GALK2: variants seen among roughly 807,000 people sequenced by gnomAD.
GALK2 encodes N-acetylgalactosamine kinase.
Under a neutral mutation model 52.4 loss-of-function variants are expected in GALK2, and 36 were observed. That is an observed-to-expected ratio of 0.69 (90% CI 0.53 to 0.91). GALK2 has a LOEUF of 0.91. GALK2 is among the 40% of genes least tolerant of loss of function. GALK2 has a pLI of 0.00. For missense variants in GALK2, 579 were observed against 559.1 expected (o/e 1.04, Z -0.36); for synonymous variants, 176 against 199.1 (o/e 0.88, Z 0.98).
chr15:49,315,995 C>T (rs1482912167), intron 8 of GALK2, among the ~76,000 whole-genome samples: 1 of 152,162 alleles, frequency 6.6e-6, no homozygotes, highest in Admixed American at 6.6e-5. Flanking sequence ...CCAAAGTGTA[C>T]TCTCCCTGAT....
chr15:49,187,181 C>A (rs1241512917), intron 1 of GALK2, among the ~76,000 whole-genome samples: 3 of 152,234 alleles, frequency 2.0e-5, no homozygotes, highest in African/African-American at 7.2e-5. Context: ...CACTGTGTCT[C>A]TTGCCTTCTT....
Position 49,328,636 on chromosome 15 carries a change from G to C in GALK2, c.*477G>C, listed in dbSNP as rs773063173. 14 of 1,579,318 alleles carry C rather than the reference G, an allele frequency of 8.9e-6. No homozygotes were observed. Among genetic ancestry groups the C allele is most frequent in the Non-Finnish European group, 1.2e-5 (14 of 1,159,098 alleles). ...GGTGATGATGATGATGATGACGATAGTGATGCCACACATTCTCTCTCAATT... is the reference window on the plus strand; with the variant it reads ...GGTGATGATGATGATGATGACGATACTGATGCCACACATTCTCTCTCAATT... On this transcript the variant is annotated 3_prime_UTR_variant, in exon 10 of 10. Transcript: ENST00000560031.
Position 49,329,995 on chromosome 15 carries a change from T to C in GALK2, c.*1836T>C, listed in dbSNP as rs2038327226. 1 of 154,258 alleles carries C rather than the reference T, an allele frequency of 6.5e-6. No homozygotes were observed. The highest frequency in any genetic ancestry group is 2.4e-5 in the African/African-American group (1 of 41,512). 9.6% of individuals were successfully genotyped at this position (154,258 alleles called of 1,614,324 possible). ...TTTGATTTCTCTCGATAAAAAGAAC[T>C]ATGTTTCAGTCTTACTATCACTGTG... On this transcript the variant is annotated 3_prime_UTR_variant, in exon 10 of 10. Coordinates refer to ENST00000560031, the MANE Select transcript of GALK2 (RefSeq NM_002044.4).
chr15:49,240,913 G>A (rs1050368892), intron 5 of GALK2, among the ~76,000 whole-genome samples: 3 of 152,118 alleles, frequency 2.0e-5, no homozygotes, highest in African/African-American at 4.8e-5. Flanking sequence ...TACAAAGTCT[G>A]CATTTCAGGG....
At chr15:49,208,464 A>G (rs1038821745) in intron 2 of GALK2, among the ~76,000 whole-genome samples, 7 of 152,168 alleles carry the variant, frequency 4.6e-5, no homozygotes, top group Admixed American at 1.3e-4. Flanking sequence ...CATGGTTTTG[A>G]AGGTTCCTTT....
At chr15:49,169,291 T>C (rs1448935626), upstream of GALK2, 1 of 152,152 alleles carries the variant, frequency 6.6e-6, no homozygotes, top group African/African-American at 2.4e-5. Context: ...TGGAATGGGT[T>C]TATTGCTAGC....
chr15:49,163,690 T>C (rs1445027727), intron 1 of GALK2, among the ~76,000 whole-genome samples: 1 of 152,226 alleles, frequency 6.6e-6, no homozygotes, highest in Non-Finnish European at 1.5e-5. Context: ...AATTGTATGC[T>C]ACCTTGTATT....
chr15:49,231,981 CAA>C (rs2090527047), intron 3 of GALK2, among the ~76,000 whole-genome samples: 2 of 152,334 alleles, frequency 1.3e-5, no homozygotes, highest in East Asian at 1.9e-4. Context: ...GTCTCGAAGA[CAA>C]TGGCCCTCTT....
chr15:49,297,011 G>A (rs1402257508), intron 8 of GALK2, among the ~76,000 whole-genome samples: 1 of 152,204 alleles, frequency 6.6e-6, no homozygotes, highest in Non-Finnish European at 1.5e-5. Flanking sequence ...TCTCCAAACT[G>A]TTTTCCACAA....
intron 9 of GALK2, among the ~76,000 whole-genome samples, chr15:49,323,209 T>A (rs2037047884): frequency 6.6e-6 from 1 of 152,108 alleles, no homozygotes; most frequent in East Asian, 1.9e-4. Context: ...AGAGAAGGTG[T>A]TGGACATACT....
chr15:49,252,571 T>C (rs2091657095), intron 5 of GALK2, among the ~76,000 whole-genome samples: 1 of 152,198 alleles, frequency 6.6e-6, no homozygotes, highest in Non-Finnish European at 1.5e-5. Context: ...ATACTTTATT[T>C]AACTAGACCT....
At chr15:49,300,595 G>T (rs142894786) in intron 8 of GALK2, among the ~76,000 whole-genome samples, 2,874 of 152,186 alleles carry the variant, frequency 0.019, 46 homozygotes, top group Middle Eastern at 0.031. Context: ...ATCCCGACAT[G>T]TCATGGGAGA....
At chr15:49,244,832 A>G (rs1370654213) in intron 5 of GALK2, among the ~76,000 whole-genome samples, 3 of 152,146 alleles carry the variant, frequency 2.0e-5, no homozygotes, top group African/African-American at 7.2e-5. Context: ...TGGAACTTAT[A>G]ATCTTATCAG....
Position 49,192,489 on chromosome 15 carries a change from A to ATATATGTATG in GALK2, c.54-8668_54-8667insGTATGTATAT, listed in dbSNP as rs1285630529. On this transcript the variant is annotated intron_variant, in intron 1 of 9. Coordinates refer to ENST00000560031, the MANE Select transcript of GALK2 (RefSeq NM_002044.4). ...CAATGAATATTATATATATATGTATATATATATATATATATATATATATAT... is the reference window on the plus strand; with the variant it reads ...CAATGAATATTATATATATATGTATATATATGTATGTATATATATATATATATATATATAT... 8.4e-5 allele frequency among the ~76,000 whole-genome samples: 2 copies of ATATATGTATG among 23,822 alleles called. 1 individual carries two copies. Among genetic ancestry groups the ATATATGTATG allele is most frequent in the African/African-American group, 2.7e-4 (2 of 7,540 alleles). 15.6% of individuals were successfully genotyped at this position (23,822 alleles called of 152,430 possible).
intron 3 of GALK2, among the ~76,000 whole-genome samples, chr15:49,337,243 G>C (rs2039874956): frequency 6.6e-6 from 1 of 152,134 alleles, no homozygotes; most frequent in African/African-American, 2.4e-5. Flanking sequence ...CGGTAGTTCT[G>C]TTTTAAGTTC....
intron 1 of GALK2, chr15:49,177,877 C>T (rs189974161): frequency 2.8e-4 from 55 of 195,126 alleles, no homozygotes; most frequent in Middle Eastern, 4.3e-3. Context: ...GACTCTTAGC[C>T]GGGCATGGTG....
chr15:49,188,346 A>G (rs1008091270), intron 1 of GALK2, among the ~76,000 whole-genome samples: 2 of 152,180 alleles, frequency 1.3e-5, no homozygotes, highest in African/African-American at 4.8e-5. Context: ...GCTGGTCTAA[A>G]TGCTGCTTCC....
At chr15:49,340,368 C>T (rs1045662045) in intron 3 of GALK2, among the ~76,000 whole-genome samples, 3 of 151,592 alleles carry the variant, frequency 2.0e-5, no homozygotes, top group Non-Finnish European at 4.4e-5. Flanking sequence ...GGGAGTTCCC[C>T]GGCCCCTTGT....
At chr15:49,222,501 T>G (rs1463366335) in intron 3 of GALK2, among the ~76,000 whole-genome samples, 2 of 152,222 alleles carry the variant, frequency 1.3e-5, no homozygotes, top group Non-Finnish European at 2.9e-5. Flanking sequence ...TCAACTTTTC[T>G]TTATTTGATA....
Sources: gnomAD v4.1 joint callset for allele counts (sites outside exome capture counted in the v4.1 genomes callset) on GRCh38, gnomAD v4.1.1 for gene constraint, MANE v1.5 for transcripts, NCBI Gene and HGNC (gene_info 2026-07-23, HGNC 2026-07-21) for gene names.